The following SLC12A1 variants were observed in gnomAD, a reference collection of about 807,000 sequenced individuals.
The protein encoded by SLC12A1 is Na-K-2Cl cotransporter.
Under a neutral mutation model 130.4 loss-of-function variants are expected in SLC12A1, and 89 were observed. The observed-to-expected ratio is 0.68, with a 90% CI of 0.58 to 0.81. The LOEUF is 0.81. Ranked by LOEUF, SLC12A1 falls within the 40% of genes least tolerant of loss-of-function variation. The probability of loss-of-function intolerance (pLI) is 0.00; values close to 1 mark genes in which losing one functional copy is unlikely to be tolerated. For missense variants in SLC12A1, 1,310 were observed against 1,336.4 expected, an observed-to-expected ratio of 0.98 and a Z score of 0.31; for synonymous variants, 499 against 460.0, an observed-to-expected ratio of 1.08 and a Z score of -1.09.
intron 15 of SLC12A1, among the ~76,000 whole-genome samples, chr15:48,252,614 T>C (rs757079251): frequency 8.5e-5 from 13 of 152,116 alleles, no homozygotes; most frequent in Non-Finnish European, 1.9e-4. Context: ...GGAAAACTTT[T>C]TGGTTCCTAA....
chr15:48,253,888 A>G (rs549158107), intron 15 of SLC12A1, among the ~76,000 whole-genome samples: 1 of 152,346 alleles, frequency 6.6e-6, no homozygotes, highest in South Asian at 2.1e-4. Flanking sequence ...ATTGTGGTTT[A>G]ATTTGCATTT....
intron 20 of SLC12A1, among the ~76,000 whole-genome samples, chr15:48,279,460 A>G (rs1031428648): frequency 1.3e-5 from 2 of 152,226 alleles, no homozygotes; most frequent in Admixed American, 1.3e-4. Flanking sequence ...TTACCAGCTA[A>G]CGACAATTAT....
chr15:48,261,292 AAG>A (rs2041771250), intron 17 of SLC12A1, among the ~76,000 whole-genome samples: 1 of 152,248 alleles, frequency 6.6e-6, no homozygotes, highest in Non-Finnish European at 1.5e-5. Context: ...TCAGAAACAA[AAG>A]AGATTGCTTT....
intron 15 of SLC12A1, 54 bp from the exon 16 acceptor site, chr15:48,255,757 G>A: frequency 9.1e-7 from 1 of 1,093,426 alleles, no homozygotes; most frequent in South Asian, 1.4e-5. Context: ...ATTATTCATG[G>A]TGCACAGAGG....
At chr15:48,279,831 A>C (rs140248158) in intron 20 of SLC12A1, among the ~76,000 whole-genome samples, 60 of 152,326 alleles carry the variant, frequency 3.9e-4, no homozygotes, top group African/African-American at 1.3e-3. Context: ...CAAGTGGCTT[A>C]GCAAAATAAA....
At chr15:48,240,092 C>CATATATATATATATATATATCCAT (rs1202434183) in intron 9 of SLC12A1, among the ~76,000 whole-genome samples, 1 of 60,450 alleles carries the variant, frequency 1.7e-5, no homozygotes, top group African/African-American at 8.2e-5. Context: ...TATATATATC[C>CATATATATATATATATATATCCAT]ATATATATAT....
intron 20 of SLC12A1, among the ~76,000 whole-genome samples, chr15:48,280,589 A>G (rs1266166364): frequency 6.6e-6 from 1 of 152,164 alleles, no homozygotes; most frequent in Non-Finnish European, 1.5e-5. Context: ...ATGTGGCCTT[A>G]TAAACTATGA....
chr15:48,258,597 T>C (rs924491660), intron 16 of SLC12A1, among the ~76,000 whole-genome samples: 1 of 152,132 alleles, frequency 6.6e-6, no homozygotes, highest in African/African-American at 2.4e-5. Context: ...TCTGTCTTCT[T>C]CTGGGCCCTC....
chr15:48,219,888 A>G (rs759210604), intron 2 of SLC12A1, among the ~76,000 whole-genome samples: 24 of 151,930 alleles, frequency 1.6e-4, no homozygotes, highest in Non-Finnish European at 3.1e-4. Flanking sequence ...GTCTGTCTCT[A>G]CAAAAAATAC....
intron 9 of SLC12A1, among the ~76,000 whole-genome samples, chr15:48,239,804 C>T (rs1252933740): frequency 6.6e-6 from 1 of 151,370 alleles, no homozygotes; most frequent in Non-Finnish European, 1.5e-5. Context: ...GCACATACCA[C>T]CATGCACAGC....
At chr15:48,249,803 A>C (rs2041626725) in intron 14 of SLC12A1, 127 bp downstream of exon 14, 1 of 676,988 alleles carries the variant, frequency 1.5e-6, no homozygotes. Flanking sequence ...TGGGAAGCGT[A>C]ATCCACTTTA....
intron 17 of SLC12A1, among the ~76,000 whole-genome samples, chr15:48,266,568 G>A (rs957683879): frequency 6.6e-6 from 1 of 151,756 alleles, no homozygotes; most frequent in Non-Finnish European, 1.5e-5. Flanking sequence ...GAGCTTGTTA[G>A]AAATGCAAAA....
At chr15:48,261,514 T>C (rs570377942) in intron 17 of SLC12A1, among the ~76,000 whole-genome samples, 1 of 152,174 alleles carries the variant, frequency 6.6e-6, no homozygotes, top group Non-Finnish European at 1.5e-5. Context: ...GGACAGAAAA[T>C]AGTTACTGCA....
Position 48,302,740 on chromosome 15 carries a change from A to T in SLC12A1, c.3165-10A>T. Reference sequence around the variant, plus strand: ...ACTTTCATTTTTAAATTTTTCCTTCATGTCATTAGGAGCCTTCCCGTGGCA... The same window carrying T: ...ACTTTCATTTTTAAATTTTTCCTTCTTGTCATTAGGAGCCTTCCCGTGGCA... On this transcript the variant is annotated splice_polypyrimidine_tract_variant and intron_variant, in intron 26 of 26. Transcript: ENST00000380993. The T allele has an allele frequency of 6.3e-7, 1 of 1,583,140 alleles. No individual in the cohort carries two copies. The highest frequency in any genetic ancestry group is 8.6e-7 in the Non-Finnish European group (1 of 1,166,282).
intron 24 of SLC12A1, among the ~76,000 whole-genome samples, chr15:48,292,705 C>A (rs1315879550): frequency 6.6e-6 from 1 of 152,142 alleles, no homozygotes; most frequent in African/African-American, 2.4e-5. Context: ...GCTATGTCCT[C>A]ACATGGTGGA....
chr15:48,249,946 C>A lies in SLC12A1; in HGVS notation c.1786+270C>A, dbSNP rs143901813. Among the ~76,000 whole-genome samples, 574 of 152,314 alleles carry A rather than the reference C, an allele frequency of 3.8e-3. 1 individual carries two copies. The highest frequency in any genetic ancestry group is 6.3e-3 in the Non-Finnish European group (427 of 68,016). The stretch of plus-strand genomic sequence containing the variant: ...ATTGCAAGAGAAACCACACTTATTT[C>A]AGCAGTAGAAAAACACCACTATTTA... On this transcript the variant is annotated intron_variant, in intron 14 of 26. Transcript: ENST00000380993.
In SLC12A1 at chr15:48,237,233, A is replaced by G. The variant is rs8025509; in HGVS notation, c.1215+2229A>G. The G allele has an allele frequency of 3.2e-3, 1,781 of 555,514 alleles. 30 individuals are homozygous for G. The highest frequency in any genetic ancestry group is 0.03 in the African/African-American group (1,602 of 53,144). 34.4% of individuals were successfully genotyped at this position (555,514 alleles called of 1,614,324 possible). ...CAAAGAAGAGACGGACATTTGAAAC[A>G]GAAGGAATGGGATGTAAGAAGGCAC... On this transcript the variant is annotated intron_variant, in intron 9 of 26. Coordinates refer to ENST00000380993, the MANE Select transcript of SLC12A1 (RefSeq NM_000338.3).
intron 19 of SLC12A1, among the ~76,000 whole-genome samples, chr15:48,272,992 C>T (rs2041913571): frequency 6.6e-6 from 1 of 150,656 alleles, no homozygotes. Context: ...CCTGTAATTC[C>T]AGCTACTCAG....
intron 2 of SLC12A1, among the ~76,000 whole-genome samples, chr15:48,210,879 C>G (rs2041044924): frequency 6.6e-6 from 1 of 150,622 alleles, no homozygotes; most frequent in African/African-American, 2.4e-5. Flanking sequence ...AAAAAAGAAA[C>G]AGAAAGCCAT....
Sources: gnomAD v4.1 joint callset for allele counts (sites outside exome capture counted in the v4.1 genomes callset) on GRCh38, gnomAD v4.1.1 for gene constraint, MANE v1.5 for transcripts, NCBI Gene and HGNC (gene_info 2026-07-23, HGNC 2026-07-21) for gene names.